Variants in RTN1 observed in about 807,000 individuals in gnomAD.
The protein encoded by RTN1 is reticulon 1.
A neutral mutation model predicts 65.5 loss-of-function variants in RTN1; 25 were observed. The observed-to-expected ratio is 0.38, with a 90% confidence interval of 0.28 to 0.53. RTN1 has a LOEUF of 0.53. Ranked by LOEUF, RTN1 falls within the 20% of genes least tolerant of loss-of-function variation. RTN1 has a pLI of 0.79. For missense variants in RTN1, 983 were observed against 1,025.4 expected, an observed-to-expected ratio of 0.96 and a Z score of 0.57; for synonymous variants, 471 against 447.6, an observed-to-expected ratio of 1.05 and a Z score of -0.66.
intron 3 of RTN1, among the ~76,000 whole-genome samples, chr14:59,706,940 G>C (rs1474843684): frequency 2.0e-5 from 3 of 152,184 alleles, no homozygotes; most frequent in African/African-American, 7.2e-5. Context: ...TTGATGGGTT[G>C]AGGGTTGGTA....
chr14:59,786,840 G>A (rs1251089807), intron 1 of RTN1, among the ~76,000 whole-genome samples: 2 of 152,136 alleles, frequency 1.3e-5, no homozygotes, highest in African/African-American at 4.8e-5. Context: ...GCCTGGGACT[G>A]TGTTTAGCTG....
At chr14:59,763,800 G>C (rs1001774006) in intron 1 of RTN1, among the ~76,000 whole-genome samples, 2 of 151,900 alleles carry the variant, frequency 1.3e-5, no homozygotes, top group Admixed American at 6.6e-5. Flanking sequence ...CAAAGTGCTG[G>C]GATTACAGGC....
chr14:59,723,231 A>G (rs1268214405), intron 3 of RTN1, among the ~76,000 whole-genome samples: 1 of 152,184 alleles, frequency 6.6e-6, no homozygotes, highest in Non-Finnish European at 1.5e-5. Flanking sequence ...AAGAAAGATG[A>G]GATTGAAAAG....
At chr14:59,635,533 G>C (rs1486580298) in intron 3 of RTN1, among the ~76,000 whole-genome samples, 1 of 152,162 alleles carries the variant, frequency 6.6e-6, no homozygotes, top group African/African-American at 2.4e-5. Flanking sequence ...AAGGTGGAAG[G>C]GAGTGGGAAG....
chr14:59,827,830 GAT>G (rs565045643), intron 1 of RTN1, among the ~76,000 whole-genome samples: 388 of 152,246 alleles, frequency 2.5e-3, no homozygotes, highest in African/African-American at 8.7e-3. Context: ...TTTCACTCTG[GAT>G]ATATCTGCAT....
chr14:59,857,463 T>C (rs1192667201), intron 1 of RTN1, among the ~76,000 whole-genome samples: 2 of 152,156 alleles, frequency 1.3e-5, no homozygotes, highest in East Asian at 1.9e-4. Flanking sequence ...CCACCCTCTA[T>C]AGCATAACAT....
At chr14:59,679,657 A>G (rs1380754436) in intron 3 of RTN1, among the ~76,000 whole-genome samples, 1 of 152,244 alleles carries the variant, frequency 6.6e-6, no homozygotes, top group African/African-American at 2.4e-5. Context: ...GACCTGACCT[A>G]TGAGAAGAAG....
chr14:59,826,632 C>G (rs1887036117), intron 1 of RTN1, among the ~76,000 whole-genome samples: 2 of 152,206 alleles, frequency 1.3e-5, no homozygotes, highest in Admixed American at 6.5e-5. Flanking sequence ...CAAAGGCCCA[C>G]TTTTGCTAAA....
intron 1 of RTN1, among the ~76,000 whole-genome samples, chr14:59,865,399 T>C (rs935481818): frequency 6.6e-6 from 1 of 152,220 alleles, no homozygotes; most frequent in African/African-American, 2.4e-5. Context: ...ACTGATCTCA[T>C]CAAAGTAGTA....
At position 59,598,204 on chromosome 14, in the gene RTN1, C is replaced by T. The variant is rs181572153; in HGVS notation, c.2289-1417G>A. On this transcript the variant is annotated intron_variant, in intron 8 of 8. Coordinates refer to ENST00000267484, the MANE Select transcript of RTN1 (RefSeq NM_021136.3). ...GGAAATGAAGAGAGGGGAACAGTCT[C>T]AGGGTTAGTTTAGAGATGAGGCTGC... Among the ~76,000 whole-genome samples, 684 of 152,210 alleles carry T rather than the reference C, an allele frequency of 4.5e-3. 4 individuals carry two copies. Among genetic ancestry groups the T allele is most frequent in the African/African-American group, 0.015 (623 of 41,528 alleles).
intron 1 of RTN1, among the ~76,000 whole-genome samples, chr14:59,796,905 C>A (rs1337719974): frequency 6.6e-6 from 1 of 152,102 alleles, no homozygotes; most frequent in Non-Finnish European, 1.5e-5. Flanking sequence ...ATCCACAGTG[C>A]CTAAAATAGT....
chr14:59,725,675 C>A (rs564910342), intron 3 of RTN1, among the ~76,000 whole-genome samples: 3 of 152,228 alleles, frequency 2.0e-5, no homozygotes, highest in Admixed American at 6.5e-5. Flanking sequence ...CACACCATGC[C>A]ACATGTCTGA....
chr14:59,729,188 T>A (rs1884846386), intron 2 of RTN1, among the ~76,000 whole-genome samples: 1 of 151,876 alleles, frequency 6.6e-6, no homozygotes, highest in Non-Finnish European at 1.5e-5. Flanking sequence ...GGCTCAGAGG[T>A]GGGAGCTGCA....
chr14:59,669,656 TGAG>T (rs1883459693), intron 3 of RTN1, among the ~76,000 whole-genome samples: 1 of 152,072 alleles, frequency 6.6e-6, no homozygotes, highest in African/African-American at 2.4e-5. Flanking sequence ...CTTATGATCA[TGAG>T]GAGATGATGA....
At chr14:59,804,019 G>T (rs1453953227) in intron 1 of RTN1, among the ~76,000 whole-genome samples, 1 of 152,130 alleles carries the variant, frequency 6.6e-6, no homozygotes, top group Non-Finnish European at 1.5e-5. Context: ...ACAATTAATA[G>T]ATCAGTATTG....
At chr14:59,707,838 C>T (rs1459841612) in intron 3 of RTN1, among the ~76,000 whole-genome samples, 1 of 151,926 alleles carries the variant, frequency 6.6e-6, no homozygotes, top group Non-Finnish European at 1.5e-5. Context: ...CAGCCTCATC[C>T]AGTATTCAGT....
At chr14:59,642,367 G>A (rs1882799080) in intron 3 of RTN1, among the ~76,000 whole-genome samples, 1 of 151,934 alleles carries the variant, frequency 6.6e-6, no homozygotes, top group African/African-American at 2.4e-5. Flanking sequence ...TATCAATTTT[G>A]AATAATGTCT....
chr14:59,663,019 C>T (rs940604892), intron 3 of RTN1, among the ~76,000 whole-genome samples: 1 of 152,150 alleles, frequency 6.6e-6, no homozygotes, highest in Non-Finnish European at 1.5e-5. Context: ...TCAAACTATA[C>T]TACAAGGCTA....
intron 3 of RTN1, among the ~76,000 whole-genome samples, chr14:59,679,132 T>C (rs1566682675): frequency 1.3e-5 from 2 of 152,184 alleles, no homozygotes; most frequent in African/African-American, 4.8e-5. Context: ...AAGGCCAAGA[T>C]AATCCCTAAC....
Sources: gnomAD v4.1 joint callset for allele counts (sites outside exome capture counted in the v4.1 genomes callset) on GRCh38, gnomAD v4.1.1 for gene constraint, MANE v1.5 for transcripts, NCBI Gene and HGNC (gene_info 2026-07-23, HGNC 2026-07-21) for gene names.